PHLPP2: variants seen among roughly 807,000 people sequenced by gnomAD.
PHLPP2 encodes PH domain and leucine rich repeat protein phosphatase 2, also known as PH domain leucine-rich repeat-containing protein phosphatase 2.
A neutral mutation model predicts 124.9 loss-of-function variants in PHLPP2; 66 were observed. That is an observed-to-expected ratio of 0.53 (90% CI 0.43 to 0.65). PHLPP2 has a LOEUF of 0.65. PHLPP2 is among the 30% of genes least tolerant of loss of function. The pLI, the probability that PHLPP2 is intolerant of heterozygous loss-of-function variation, is 0.00. For synonymous variants in PHLPP2, 681 were observed against 624.7 expected (o/e 1.09, Z -1.34); for missense variants, 1,685 against 1,600.4 (o/e 1.05, Z -0.90).
At chr16:71,681,975 T>C (rs77446564) in intron 5 of PHLPP2, 70 bp from the exon 6 acceptor site, 1 of 1,122,760 alleles carries the variant, frequency 8.9e-7, no homozygotes, top group East Asian at 2.8e-5. Flanking sequence ...AAGAATGGAA[T>C]GGCATTTACA....
intron 4 of PHLPP2, among the ~76,000 whole-genome samples, chr16:71,687,636 T>C (rs544690361): frequency 6.6e-6 from 1 of 152,298 alleles, no homozygotes. Context: ...TATTCTCTTT[T>C]CCTCCTCTAA....
intron 5 of PHLPP2, 82 bp downstream of exon 5, chr16:71,684,394 G>C: frequency 2.1e-6 from 3 of 1,438,894 alleles, no homozygotes; most frequent in Non-Finnish European, 2.9e-6. Context: ...CCAAAGTGCT[G>C]GGATTACAGA....
At chr16:71,720,291 T>C (rs1242461816) in intron 1 of PHLPP2, among the ~76,000 whole-genome samples, 2 of 151,390 alleles carry the variant, frequency 1.3e-5, no homozygotes, top group African/African-American at 2.4e-5. Context: ...TTTTTAAAAA[T>C]ATTTTTAGCA....
At chr16:71,686,030 C>T (rs955151737) in intron 4 of PHLPP2, among the ~76,000 whole-genome samples, 5 of 152,114 alleles carry the variant, frequency 3.3e-5, no homozygotes, top group African/African-American at 7.2e-5. Flanking sequence ...TGCTTGAATC[C>T]GGGAGGTGGA....
chr16:71,655,944 G>T (rs2044739007), intron 16 of PHLPP2, among the ~76,000 whole-genome samples: 1 of 152,144 alleles, frequency 6.6e-6, no homozygotes, highest in Admixed American at 6.5e-5. Context: ...CGCATTCATG[G>T]GCAGTACATA....
intron 2 of PHLPP2, among the ~76,000 whole-genome samples, chr16:71,709,477 G>A (rs1304143062): frequency 1.3e-5 from 2 of 152,000 alleles, no homozygotes; most frequent in East Asian, 1.9e-4. Flanking sequence ...TGGTTATTTC[G>A]ATGACTAAGA....
In PHLPP2 at chr16:71,655,495, G is replaced by A. The variant is rs2044734570; in HGVS notation, c.2391-61C>T. On this transcript the variant is annotated intron_variant, in intron 16 of 18. Transcript: ENST00000568954. ...TTACTGGTAAAATATTATTCTCCAG[G>A]GAGCATTCTTTTTTTTTTTTTTTTT... 65 of 1,290,362 alleles carry A rather than the reference G, an allele frequency of 5.0e-5. No homozygotes were observed. In the South Asian group the frequency reaches 7.4e-4, roughly 15 times the overall value. The allele number at this position is 1,290,362 out of a possible 1,614,324, so 79.9% of individuals were successfully genotyped here. A position where few individuals can be genotyped will look rare whatever the true frequency, so the allele number is the denominator to read the frequency against.
chr16:71,722,604 C>G (rs1426516684), intron 1 of PHLPP2, among the ~76,000 whole-genome samples: 2 of 152,190 alleles, frequency 1.3e-5, no homozygotes, highest in African/African-American at 2.4e-5. Context: ...TGCTGAACCT[C>G]AATCCCAATA....
intron 3 of PHLPP2, among the ~76,000 whole-genome samples, chr16:71,700,519 CT>C (rs1234453846): frequency 0.037 from 3,081 of 83,364 alleles, 16 homozygotes; most frequent in African/African-American, 0.13. Flanking sequence ...TGACTCATTT[CT>C]TTTTTTTTTT....
intron 9 of PHLPP2, among the ~76,000 whole-genome samples, chr16:71,676,115 G>A (rs549492509): frequency 1.4e-4 from 22 of 152,208 alleles, no homozygotes; most frequent in Admixed American, 8.5e-4. Context: ...TGGCAGGCCA[G>A]ATGCAGTCCT....
chr16:71,649,608 G>A lies in PHLPP2; in HGVS notation c.3254C>T (p.Ser1085Phe). 2 of 1,614,130 alleles carry A rather than the reference G, an allele frequency of 1.2e-6. No homozygotes were observed. Among genetic ancestry groups the A allele is most frequent in the Non-Finnish European group, 1.7e-6 (2 of 1,179,984 alleles). ...GIASEFSSEM[S>F]TSEVSSEVGS... ...CACTTCACTGCTCACCTCTGAGGTGGACATCTCACTGCTGAACTCAGAGGC... is the reference window on the plus strand; with the variant it reads ...CACTTCACTGCTCACCTCTGAGGTGAACATCTCACTGCTGAACTCAGAGGC... Residue 1085 changes from serine to phenylalanine, a missense_variant, in exon 19 of 19, where the codon TCC becomes TTC. Transcript: ENST00000568954.
At chr16:71,660,554 T>C (rs2044780359) in intron 13 of PHLPP2, among the ~76,000 whole-genome samples, 1 of 150,774 alleles carries the variant, frequency 6.6e-6, no homozygotes. Flanking sequence ...GCCTCCCAAG[T>C]AGCTGGGACT....
intron 6 of PHLPP2, 94 bp from the exon 7 acceptor site, chr16:71,679,629 A>C: frequency 1.0e-6 from 1 of 990,678 alleles, no homozygotes; most frequent in Non-Finnish European, 1.5e-6. Flanking sequence ...ATCTATTTTA[A>C]ATGTCTATAA....
At chr16:71,669,640 T>C (rs572490645) in intron 10 of PHLPP2, among the ~76,000 whole-genome samples, 5 of 152,270 alleles carry the variant, frequency 3.3e-5, no homozygotes, top group Admixed American at 1.3e-4. Flanking sequence ...CTTTCTGCAA[T>C]AGAAAAGCAC....
At chr16:71,653,481 C>T (rs2044713273) in intron 17 of PHLPP2, among the ~76,000 whole-genome samples, 1 of 152,110 alleles carries the variant, frequency 6.6e-6, no homozygotes, top group Non-Finnish European at 1.5e-5. Context: ...ACTTTGAGAA[C>T]CACTCACTTA....
chr16:71,665,134 C>G (rs2044827288), intron 12 of PHLPP2, among the ~76,000 whole-genome samples: 1 of 151,908 alleles, frequency 6.6e-6, no homozygotes, highest in South Asian at 2.1e-4. Context: ...ATGGTGAAAC[C>G]TCATCTCTAC....
Position 71,702,005 on chromosome 16 carries a change from G to C in PHLPP2, c.418+593C>G, listed in dbSNP as rs550701340. 3.3e-5 allele frequency among the ~76,000 whole-genome samples: 5 copies of C among 152,108 alleles called. No homozygotes were observed. In the South Asian group the frequency reaches 8.3e-4, roughly 25 times the overall value. On this transcript the variant is annotated intron_variant, in intron 3 of 18. Coordinates refer to ENST00000568954, the MANE Select transcript of PHLPP2 (RefSeq NM_015020.3). ...GAACGCAATCCCAGTGGATAAGGGG[G>C]GACTACCATAATGAAGAACTAGGGT...
intron 10 of PHLPP2, among the ~76,000 whole-genome samples, chr16:71,670,730 G>C (rs2044885388): frequency 4.3e-5 from 1 of 23,074 alleles, no homozygotes; most frequent in Non-Finnish European, 1.0e-4. Context: ...ACGAGAGGAG[G>C]GGAAGAGGAG....
rs1474814779 is a variant in PHLPP2, at chr16:71,724,508, C to T, written c.-186G>A. 1 of 152,112 alleles carries T rather than the reference C, an allele frequency of 6.6e-6. No individual in the cohort carries two copies. The highest frequency in any genetic ancestry group is 1.5e-5 in the Non-Finnish European group (1 of 68,020). The allele number at this position is 152,112 out of a possible 1,614,324, so 9.4% of individuals were successfully genotyped here. A position where few individuals can be genotyped will look rare whatever the true frequency, so the allele number is the denominator to read the frequency against. ...CTTCAAGCAGTAATATGGCCTGTGA[C>T]CCGGTTTATGATTTATTTGCAAGGC... On this transcript the variant is annotated 5_prime_UTR_variant, in exon 1 of 19. Transcript: ENST00000568954.
Sources: allele counts gnomAD v4.1 joint callset (sites outside exome capture counted in the v4.1 genomes callset), GRCh38; gene constraint gnomAD v4.1.1; transcripts MANE v1.5; gene names NCBI Gene and HGNC (gene_info 2026-07-23, HGNC 2026-07-21).